ACER1: variants seen among roughly 807,000 people sequenced by gnomAD.
ACER1 encodes the protein CTB-180A7.3.
Under a neutral mutation model 24.9 loss-of-function variants are expected in ACER1, and 28 were observed. The observed-to-expected ratio is 1.13, with a 90% confidence interval of 0.83 to 1.54. ACER1 has a LOEUF of 1.54. ACER1 is among the 40% of genes most tolerant of loss of function. ACER1 has a pLI of 0.00. For synonymous variants in ACER1, 132 were observed against 131.4 expected, an observed-to-expected ratio of 1.00 and a Z score of -0.03; for missense variants, 352 against 349.3, an observed-to-expected ratio of 1.01 and a Z score of -0.06.
intron 1 of ACER1, among the ~76,000 whole-genome samples, chr19:6,326,917 A>G (rs1421052785): frequency 6.6e-6 from 1 of 152,080 alleles, no homozygotes; most frequent in Non-Finnish European, 1.5e-5. Flanking sequence ...TCCTTTCTCA[A>G]TCTGACCAGC....
At chr19:6,355,701 A>C in the ACER1 span, among the ~76,000 whole-genome samples, 1 of 133,100 alleles carries the variant, frequency 7.5e-6, no homozygotes, top group Non-Finnish European at 1.6e-5. Flanking sequence ...CCTACTGGGA[A>C]GTGAGGAGCC....
At chr19:6,346,480 CCTT>C in the ACER1 span, among the ~76,000 whole-genome samples, 2 of 151,276 alleles carry the variant, frequency 1.3e-5, no homozygotes, top group Admixed American at 6.6e-5. Flanking sequence ...TCTTCCTCCT[CCTT>C]CTTCTTCTCC....
intron 1 of ACER1, among the ~76,000 whole-genome samples, chr19:6,332,035 C>T (rs1015968137): frequency 2.7e-5 from 4 of 149,320 alleles, no homozygotes; most frequent in African/African-American, 7.5e-5. Flanking sequence ...GGTGCGATCT[C>T]GGCTCATTGA....
the ACER1 span, among the ~76,000 whole-genome samples, chr19:6,339,626 C>A: frequency 4.6e-5 from 7 of 152,210 alleles, no homozygotes; most frequent in Middle Eastern, 3.4e-3. Context: ...TGTTATGTAT[C>A]TTTTACCACA....
In ACER1 at chr19:6,306,482, A is replaced by C; in HGVS notation, c.*232T>G. On this transcript the variant is annotated 3_prime_UTR_variant, in exon 6 of 6. Transcript: ENST00000301452. Reference sequence around the variant, plus strand: ...GAAATGAAAGAGGATGGGGGGGGTCATGGAGGGGAGATGCACGAGACAGCC... The same window carrying C: ...GAAATGAAAGAGGATGGGGGGGGTCCTGGAGGGGAGATGCACGAGACAGCC... 1 of 488,938 alleles carries C rather than the reference A, an allele frequency of 2.0e-6. No homozygotes were observed. The highest frequency in any genetic ancestry group is 3.3e-5 in the Admixed American group (1 of 30,142). The allele number at this position is 488,938 out of a possible 1,614,324, so 30.3% of individuals were successfully genotyped here.
At position 6,307,146 on chromosome 19, in the gene ACER1, T is replaced by C. The variant is rs1465195421; in HGVS notation, c.626+7A>G. ...GGGCCCCCCACAGCCTCAGAGCATG[T>C]GCTTACCAGATGCTGTGCAGATAGA... On this transcript the variant is annotated splice_region_variant and intron_variant, in intron 5 of 5. Coordinates refer to ENST00000301452, the MANE Select transcript of ACER1 (RefSeq NM_133492.3). 6.2e-7 allele frequency: 1 copy of C among 1,613,972 alleles called. No individual in the cohort carries two copies. The highest frequency in any genetic ancestry group is 8.5e-7 in the Non-Finnish European group (1 of 1,180,024).
intron 1 of ACER1, among the ~76,000 whole-genome samples, chr19:6,314,534 GTGCTGACA>G (rs2091594589): frequency 6.6e-6 from 1 of 150,836 alleles, no homozygotes; most frequent in Non-Finnish European, 1.5e-5. Context: ...AGACCCCGAC[GTGCTGACA>G]TCAGACTTTG....
chr19:6,323,195 C>T (rs191066445), intron 1 of ACER1, among the ~76,000 whole-genome samples: 3,695 of 151,994 alleles, frequency 0.024, 85 homozygotes, highest in African/African-American at 0.043. Flanking sequence ...CCAAGGCAGG[C>T]AGATCACGAA....
chr19:6,327,351 G>T (rs2091666328), intron 1 of ACER1, among the ~76,000 whole-genome samples: 1 of 152,048 alleles, frequency 6.6e-6, no homozygotes, highest in Non-Finnish European at 1.5e-5. Context: ...GGATCACAAA[G>T]TCAGGAGATC....
In ACER1 at chr19:6,318,710, C is replaced by T. The variant is rs372926982; in HGVS notation, c.94-6211G>A. Reference sequence around the variant, plus strand: ...CTGAGGCAGAAGAATGGCGTGAACCCGGGAGGCGGAGGTTGCAGTGAGCTG... The same window carrying T: ...CTGAGGCAGAAGAATGGCGTGAACCTGGGAGGCGGAGGTTGCAGTGAGCTG... On this transcript the variant is annotated intron_variant, in intron 1 of 5. Transcript: ENST00000301452. 2.5e-4 allele frequency among the ~76,000 whole-genome samples: 38 copies of T among 150,200 alleles called. 1 individual carries two copies. The East Asian group carries it at 4.1e-3, about 16-fold the overall frequency.
At chr19:6,347,822 G>T in the ACER1 span, among the ~76,000 whole-genome samples, 9,083 of 151,876 alleles carry the variant, frequency 0.06, 398 homozygotes, top group African/African-American at 0.12. Context: ...GAAAAGAAGA[G>T]CAAATCTAAA....
At chr19:6,326,681 G>A (rs1487793637) in intron 1 of ACER1, among the ~76,000 whole-genome samples, 3 of 151,992 alleles carry the variant, frequency 2.0e-5, no homozygotes, top group African/African-American at 4.8e-5. Flanking sequence ...TAACCATGGG[G>A]CTGAAGAAAT....
chr19:6,343,083 T>A, the ACER1 span, among the ~76,000 whole-genome samples: 20 of 152,052 alleles, frequency 1.3e-4, 1 homozygote, highest in Admixed American at 1.1e-3. Context: ...AGCCAAAAGT[T>A]TTTTCTTTAA....
intron 3 of ACER1, among the ~76,000 whole-genome samples, chr19:6,310,517 C>T (rs750809019): frequency 6.6e-6 from 1 of 151,852 alleles, no homozygotes; most frequent in Non-Finnish European, 1.5e-5. Flanking sequence ...TTTCAGTGGG[C>T]CAAGATCACG....
At chr19:6,311,310 A>G (rs1309200705) in intron 3 of ACER1, among the ~76,000 whole-genome samples, 1 of 151,946 alleles carries the variant, frequency 6.6e-6, no homozygotes, top group Non-Finnish European at 1.5e-5. Context: ...TTGGGAGGCC[A>G]AGGCAGGTGG....
At chr19:6,325,984 T>C (rs1313673545) in intron 1 of ACER1, among the ~76,000 whole-genome samples, 1 of 151,368 alleles carries the variant, frequency 6.6e-6, no homozygotes, top group African/African-American at 2.4e-5. Context: ...AGGCAGGGTC[T>C]GGTTTTGTCC....
chr19:6,328,216 C>T (rs183623777), intron 1 of ACER1, among the ~76,000 whole-genome samples: 12 of 151,802 alleles, frequency 7.9e-5, no homozygotes, highest in African/African-American at 2.7e-4. Flanking sequence ...ATTGGCCAGG[C>T]GTGGTGGCTC....
upstream of ACER1, among the ~76,000 whole-genome samples, chr19:6,335,470 G>A (rs960199474): frequency 2.6e-5 from 4 of 151,870 alleles, no homozygotes; most frequent in East Asian, 2.0e-4. Context: ...TGATCTGCCC[G>A]TCTCGACTTC....
At chr19:6,357,537 T>C in the ACER1 span, among the ~76,000 whole-genome samples, 8,797 of 151,992 alleles carry the variant, frequency 0.058, 369 homozygotes, top group African/African-American at 0.12. Context: ...TTTGGGAGGC[T>C]GACGCACATG....
Sources: allele counts gnomAD v4.1 joint callset (sites outside exome capture counted in the v4.1 genomes callset), GRCh38; gene constraint gnomAD v4.1.1; transcripts MANE v1.5; gene names NCBI Gene and HGNC (gene_info 2026-07-23, HGNC 2026-07-21).